The following UMODL1 variants were observed in gnomAD, a reference collection of about 807,000 sequenced individuals.
UMODL1 encodes uromodulin like 1, also known as uromodulin-like 1.
A neutral mutation model predicts 136.3 loss-of-function variants in UMODL1; 128 were observed. The ratio of observed to expected loss-of-function variants is 0.94; its 90% CI spans 0.81 to 1.09. The LOEUF (loss-of-function observed/expected upper bound fraction) is 1.09, where lower values mean the gene tolerates loss of function less well. Ranked by LOEUF, UMODL1 falls within the 50% of genes least tolerant of loss-of-function variation. UMODL1 has a pLI of 0.00. For missense variants in UMODL1, 1,766 were observed against 1,725.6 expected, an observed-to-expected ratio of 1.02 and a Z score of -0.41; for synonymous variants, 721 against 720.0, an observed-to-expected ratio of 1.00 and a Z score of -0.02.
In UMODL1 at chr21:42,134,831, G is replaced by A. The variant is rs578083320; in HGVS notation, c.3776-2608G>A. On this transcript the variant is annotated intron_variant, in intron 21 of 22. Transcript: ENST00000408910. ...GTAGAGACGGGGGTTTTACCATGTT[G>A]GCCAGGATGGTCTTGATCTCCTGAC... 1.6e-3 allele frequency among the ~76,000 whole-genome samples: 243 copies of A among 150,892 alleles called. 1 individual carries two copies. The highest frequency in any genetic ancestry group is 3.8e-3 in the Admixed American group (57 of 15,136).
intron 6 of UMODL1, among the ~76,000 whole-genome samples, chr21:42,098,647 A>G (rs1438012777): frequency 6.6e-6 from 1 of 152,130 alleles, no homozygotes; most frequent in Non-Finnish European, 1.5e-5. Context: ...GAGTGCCTGT[A>G]ATCCCAGCTA....
chr21:42,102,985 A>C (rs2066656271), intron 8 of UMODL1: 1 of 154,708 alleles, frequency 6.5e-6, no homozygotes, highest in Non-Finnish European at 1.4e-5. Flanking sequence ...CATGAAGCAC[A>C]CAAAGTGGGT....
chr21:42,086,316 G>C (rs2066426282), intron 4 of UMODL1, among the ~76,000 whole-genome samples: 1 of 152,234 alleles, frequency 6.6e-6, no homozygotes, highest in Non-Finnish European at 1.5e-5. Flanking sequence ...CTGTGCTTCA[G>C]ATCTTTTGTG....
chr21:42,126,434 C>A lies in UMODL1; in HGVS notation c.3237C>A (p.Ile1079=). 2 of 1,614,260 alleles carry A rather than the reference C, an allele frequency of 1.2e-6. No individual in the cohort carries two copies. Among genetic ancestry groups the A allele is most frequent in the Non-Finnish European group, 1.7e-6 (2 of 1,180,042 alleles). ...ACCACCTGAAGATCCTGAGCCCCAT[C>A]TACTGCGCCTTCCAGAATGACCTGC... ...IIHHLKILSP[I]YCAFQNDLLT... The change falls in exon 18 of 23, where the codon ATC becomes ATA. Residue 1079 remains isoleucine (I), a synonymous_variant. Coordinates refer to ENST00000408910, the MANE Select transcript of UMODL1 (RefSeq NM_001004416.3).
rs374512970 is a variant in UMODL1, at chr21:42,123,583, CTG to C, written c.3147+440_3147+441del. On this transcript the variant is annotated intron_variant, in intron 17 of 22. Transcript: ENST00000408910. The surrounding 1 kb of genome is among the most constrained non-coding windows in gnomAD (Gnocchi z 4.4). ...TGTGAATGTGTGTAAATGTGTGAAT[CTG>C]TGTGTGCGAATGTGTATGTGTATAT... Among the ~76,000 whole-genome samples the C allele has an allele frequency of 3.3e-3, 497 of 151,522 alleles. 3 individuals are homozygous for C. Among genetic ancestry groups the C allele is most frequent in the African/African-American group, 0.011 (435 of 41,280 alleles).
In UMODL1 at chr21:42,098,974, G is replaced by A. The variant is rs779638280; in HGVS notation, c.980G>A (p.Ser327Asn). ...GTGGTCCTCAACGTCACCAGTGACA[G>A]TTTTCAAGTATCCTGGCGTTTAAAT... is the stretch of plus-strand genomic sequence containing the variant. Reference protein sequence around the residue: ...DYVVLNVTSDSFQVSWRLNST... With the variant: ...DYVVLNVTSDNFQVSWRLNST... Residue 327 changes from serine to asparagine, a missense_variant, in exon 7 of 23, where the codon AGT (serine) becomes AAT (asparagine). By Grantham distance (46) the Ser-to-Asn change is conservative. Coordinates refer to ENST00000408910, the MANE Select transcript of UMODL1 (RefSeq NM_001004416.3). 3.5e-5 allele frequency: 56 copies of A among 1,614,090 alleles called. No individual in the cohort carries two copies. Among genetic ancestry groups the A allele is most frequent in the Non-Finnish European group, 4.5e-5 (53 of 1,180,036 alleles).
Position 42,085,296 on chromosome 21 carries a change from G to T in UMODL1, c.487G>T (p.Glu163Ter). 6.2e-7 allele frequency: 1 copy of T among 1,613,928 alleles called. No homozygotes were observed. The highest frequency in any genetic ancestry group is 8.5e-7 in the Non-Finnish European group (1 of 1,179,892). The change falls in exon 4 of 23, where the codon GAG (glutamate) becomes TAG (stop). Residue 163 changes from glutamate to a stop codon, truncating the protein, a stop_gained. Coordinates refer to ENST00000408910, the MANE Select transcript of UMODL1 (RefSeq NM_001004416.3). LOFTEE classifies it high-confidence loss of function. This position sits in a 1 kb window ranked among gnomAD's most constrained non-coding sequence, Gnocchi z 4.5. ...YCMAPAPQAP[E>*]RDPVGSWYNV... ...CAGTGTTTTCCCTTGTGTAGCTCCA[G>T]AGAGGGACCCTGTGGGCTCCTGGTA...
At chr21:42,110,814 C>G in intron 10 of UMODL1, 66 bp from the exon 11 acceptor site, 2 of 1,469,644 alleles carry the variant, frequency 1.4e-6, no homozygotes, top group Non-Finnish European at 1.8e-6. Flanking sequence ...CCATGCTGCC[C>G]TCCTGGGAGG....
At chr21:42,139,214 G>A (rs2067247197) in intron 22 of UMODL1, among the ~76,000 whole-genome samples, 1 of 152,198 alleles carries the variant, frequency 6.6e-6, no homozygotes, top group Non-Finnish European at 1.5e-5. Flanking sequence ...TTATCTGGCA[G>A]CGTGTGAGAC....
intron 16 of UMODL1, 115 bp downstream of exon 16, chr21:42,121,339 G>A (rs2066969533): frequency 1.5e-6 from 2 of 1,355,814 alleles, no homozygotes; most frequent in Non-Finnish European, 2.0e-6. Flanking sequence ...TATGTCCTGG[G>A]GAAGTTTCCT....
chr21:42,125,478 G>A (rs2067039915), intron 17 of UMODL1, among the ~76,000 whole-genome samples: 1 of 152,212 alleles, frequency 6.6e-6, no homozygotes, highest in Admixed American at 6.5e-5. Context: ...TCCTCCCTGG[G>A]CTGAAGGAGT....
chr21:42,142,190 C>T lies in UMODL1; in HGVS notation c.*116C>T, dbSNP rs1032014266. The stretch of plus-strand genomic sequence containing the variant: ...TCTCTCTGCACCTCCACCCATCCCT[C>T]GGTTCTTAACTCTTCAAGCCTTAAC... On this transcript the variant is annotated 3_prime_UTR_variant, in exon 23 of 23. Coordinates refer to ENST00000408910, the MANE Select transcript of UMODL1 (RefSeq NM_001004416.3). The T allele has an allele frequency of 2.0e-5, 3 of 152,262 alleles. No individual in the cohort carries two copies. The highest frequency in any genetic ancestry group is 7.2e-5 in the African/African-American group (3 of 41,444). The allele number at this position is 152,262 out of a possible 1,614,324, so 9.4% of individuals were successfully genotyped here.
intron 17 of UMODL1, 94 bp from the exon 18 acceptor site, chr21:42,126,251 C>T (rs1422388828): frequency 1.9e-6 from 3 of 1,538,804 alleles, no homozygotes; most frequent in African/African-American, 2.7e-5. Flanking sequence ...AGAGAAGAAC[C>T]CCCATCCCCC....
intron 11 of UMODL1, 68 bp downstream of exon 11, chr21:42,111,189 G>T (rs200737746): frequency 6.5e-7 from 1 of 1,539,592 alleles, no homozygotes; most frequent in East Asian, 2.5e-5. Flanking sequence ...CCCAGCCAGG[G>T]GAGCCCCAGC....
rs770413524 is a variant in UMODL1, at chr21:42,115,947, C to T, written c.2437C>T (p.Gln813Ter). 3.7e-6 allele frequency: 6 copies of T among 1,613,794 alleles called. No homozygotes were observed. The highest frequency in any genetic ancestry group is 4.2e-6 in the Non-Finnish European group (5 of 1,179,974). ...AGAATCCTTTCGCAACGCAAGCAGC[C>T]AGGAGTATCGAGATTTCCTAGAACT... ...YSESFRNASS[Q>*]EYRDFLELFF... Residue 813 changes from glutamine to a stop codon, truncating the protein, a stop_gained, in exon 14 of 23, where the codon CAG becomes TAG. Transcript: ENST00000408910. LOFTEE classifies it high-confidence loss of function.
At chr21:42,125,547 A>G (rs1371604224) in intron 17 of UMODL1, among the ~76,000 whole-genome samples, 1 of 152,216 alleles carries the variant, frequency 6.6e-6, no homozygotes, top group Non-Finnish European at 1.5e-5. Context: ...CTCAAATGGC[A>G]CAACTTAAGC....
At chr21:42,071,513 G>A (rs975540490) in intron 1 of UMODL1, 121 bp downstream of exon 1, 3 of 1,026,158 alleles carry the variant, frequency 2.9e-6, no homozygotes, top group African/African-American at 1.7e-5. Flanking sequence ...TTGGAGAGGC[G>A]ACATCTGTTC....
intron 6 of UMODL1, among the ~76,000 whole-genome samples, chr21:42,095,460 T>TTG (rs374448014): frequency 0.053 from 7,750 of 146,882 alleles, 242 homozygotes; most frequent in African/African-American, 0.095. Context: ...GCCTTCTCCT[T>TTG]TGTGTGTGTG....
At chr21:42,114,290 AT>A (rs569913740) in intron 13 of UMODL1, among the ~76,000 whole-genome samples, 61 of 152,394 alleles carry the variant, frequency 4.0e-4, no homozygotes, top group Middle Eastern at 6.8e-3. Flanking sequence ...AAAGTAAAGA[AT>A]TGAGCAATAA....
Sources: allele counts gnomAD v4.1 joint callset (sites outside exome capture counted in the v4.1 genomes callset), GRCh38; gene constraint gnomAD v4.1.1; non-coding constraint Gnocchi (gnomAD v3.1); transcripts MANE v1.5; gene names NCBI Gene and HGNC (gene_info 2026-07-23, HGNC 2026-07-21).